Variants in IGSF21 observed in about 807,000 individuals in gnomAD.
IGSF21 encodes immunoglobin superfamily member 21.
IGSF21 carries 28 observed loss-of-function variants against 46.8 expected under a neutral mutation model. That is an observed-to-expected ratio of 0.60 (90% CI 0.44 to 0.82). The LOEUF (loss-of-function observed/expected upper bound fraction) is 0.82, where lower values mean the gene tolerates loss of function less well. Ranked by LOEUF, IGSF21 falls within the 40% of genes least tolerant of loss-of-function variation. IGSF21 has a pLI of 0.00. For synonymous variants in IGSF21, 284 were observed against 273.6 expected (o/e 1.04, Z -0.38); for missense variants, 624 against 665.5 (o/e 0.94, Z 0.69).
intron 1 of IGSF21, chr1:18,113,009 T>G (rs888701740): frequency 6.6e-6 from 1 of 152,196 alleles, no homozygotes. Flanking sequence ...CTTTTTGCCT[T>G]CTTTTTTCTT....
chr1:18,305,087 G>T (rs1346111735), intron 3 of IGSF21, among the ~76,000 whole-genome samples: 1 of 152,230 alleles, frequency 6.6e-6, no homozygotes, highest in Non-Finnish European at 1.5e-5. Flanking sequence ...TGAGCCTGAA[G>T]TTCCTGGGAA....
chr1:18,356,159 A>T (rs950733580), intron 4 of IGSF21, among the ~76,000 whole-genome samples: 1 of 152,172 alleles, frequency 6.6e-6, no homozygotes, highest in Non-Finnish European at 1.5e-5. Flanking sequence ...TACTAATACA[A>T]TTACGACTAC....
intron 2 of IGSF21, among the ~76,000 whole-genome samples, chr1:18,250,957 C>T (rs1431359942): frequency 1.3e-5 from 2 of 152,054 alleles, no homozygotes; most frequent in African/African-American, 4.8e-5. Flanking sequence ...CTTCTTAGAT[C>T]AGCTGGCCAG....
chr1:18,168,898 C>T lies in IGSF21; in HGVS notation c.71-59000C>T, dbSNP rs542562474. Among the ~76,000 whole-genome samples the T allele has an allele frequency of 2.6e-4, 40 of 152,256 alleles. No individual in the cohort carries two copies. In the South Asian group the frequency reaches 6.8e-3, roughly 26 times the overall value. On this transcript the variant is annotated intron_variant, in intron 1 of 9. Transcript: ENST00000251296. ...TGCAGTAAACACGGGGTTCTGGGGCCGGAGGGGAGCAGGTGCTGGTGCAGG... is the reference window on the plus strand; with the variant it reads ...TGCAGTAAACACGGGGTTCTGGGGCTGGAGGGGAGCAGGTGCTGGTGCAGG...
At chr1:18,330,786 T>C (rs996748141) in intron 3 of IGSF21, among the ~76,000 whole-genome samples, 3 of 152,226 alleles carry the variant, frequency 2.0e-5, no homozygotes, top group African/African-American at 7.2e-5. Context: ...ACTTTATTTT[T>C]TAGAGCAGCT....
chr1:18,340,637 C>T (rs989838799), intron 4 of IGSF21, among the ~76,000 whole-genome samples: 2 of 152,172 alleles, frequency 1.3e-5, no homozygotes, highest in African/African-American at 4.8e-5. Flanking sequence ...GGCTTAAAAC[C>T]ACAGCAATGT....
chr1:18,113,705 CGG>C (rs1057321630), intron 1 of IGSF21: 6 of 139,690 alleles, frequency 4.3e-5, no homozygotes, highest in African/African-American at 8.1e-5. Flanking sequence ...GAATATTGAG[CGG>C]AGTGTCACAA....
chr1:18,271,042 C>A lies in IGSF21; in HGVS notation c.184-20824C>A, dbSNP rs547976957. On this transcript the variant is annotated intron_variant, in intron 2 of 9. Coordinates refer to ENST00000251296, the MANE Select transcript of IGSF21 (RefSeq NM_032880.5). ...CTTTGGACAGCAGGCCCAAGAGAAG[C>A]TGAAATATTATTAGAAGGTGTCCTA... Among the ~76,000 whole-genome samples, 6 of 152,294 alleles carry A rather than the reference C, an allele frequency of 3.9e-5. No homozygotes were observed. The East Asian group carries it at 7.7e-4, about 20-fold the overall frequency.
chr1:18,332,664 T>C (rs1050563079), intron 3 of IGSF21, among the ~76,000 whole-genome samples: 8 of 152,170 alleles, frequency 5.3e-5, no homozygotes, highest in African/African-American at 1.9e-4. Context: ...CGCTCTTTAT[T>C]CTGAGATCAG....
intron 2 of IGSF21, among the ~76,000 whole-genome samples, chr1:18,249,178 G>C (rs116128909): frequency 1.3e-5 from 2 of 152,130 alleles, no homozygotes; most frequent in Non-Finnish European, 2.9e-5. Context: ...AGAACAAAGG[G>C]GAGCCATTCT....
At chr1:18,145,725 C>T (rs529737009) in intron 1 of IGSF21, among the ~76,000 whole-genome samples, 16 of 152,266 alleles carry the variant, frequency 1.1e-4, no homozygotes, top group Non-Finnish European at 2.1e-4. Context: ...CTTCTCAGGG[C>T]GGCAAATGTG....
chr1:18,342,391 G>A (rs851449), intron 4 of IGSF21, among the ~76,000 whole-genome samples: 53,172 of 151,734 alleles, frequency 0.35, 9,360 homozygotes, highest in South Asian at 0.43. Flanking sequence ...ACCAAGCCCG[G>A]CCCTTTGGTT....
chr1:18,313,024 G>A (rs2085503586), intron 3 of IGSF21, among the ~76,000 whole-genome samples: 1 of 152,186 alleles, frequency 6.6e-6, no homozygotes, highest in Non-Finnish European at 1.5e-5. Flanking sequence ...GTTCCTGAAG[G>A]GCAAGAGCCC....
intron 1 of IGSF21, among the ~76,000 whole-genome samples, chr1:18,201,427 G>A (rs908841489): frequency 1.5e-4 from 23 of 152,334 alleles, no homozygotes; most frequent in African/African-American, 5.5e-4. Flanking sequence ...AGTTTTTGCT[G>A]AAGGAAAGCC....
At chr1:18,150,562 C>T (rs2086513300) in intron 1 of IGSF21, among the ~76,000 whole-genome samples, 1 of 152,204 alleles carries the variant, frequency 6.6e-6, no homozygotes, top group Non-Finnish European at 1.5e-5. Flanking sequence ...GAATGCTGGC[C>T]TCCTTGGAGA....
intron 1 of IGSF21, among the ~76,000 whole-genome samples, chr1:18,152,628 C>T (rs923595931): frequency 6.6e-6 from 1 of 152,264 alleles, no homozygotes; most frequent in Non-Finnish European, 1.5e-5. Flanking sequence ...TGTTGATTAT[C>T]ATAATCATGA....
At chr1:18,232,524 A>G (rs765466064) in intron 2 of IGSF21, among the ~76,000 whole-genome samples, 1 of 152,110 alleles carries the variant, frequency 6.6e-6, no homozygotes, top group African/African-American at 2.4e-5. Flanking sequence ...GATTAATTCT[A>G]TTTTCCAGAT....
intron 2 of IGSF21, 78 bp downstream of exon 2, chr1:18,228,088 A>G (rs1314513617): frequency 1.8e-6 from 2 of 1,125,734 alleles, no homozygotes; most frequent in Non-Finnish European, 2.7e-6. Context: ...GGACACCCTC[A>G]CTGGTGTGGC....
chr1:18,204,959 C>T (rs2087111420), intron 1 of IGSF21, among the ~76,000 whole-genome samples: 1 of 152,168 alleles, frequency 6.6e-6, no homozygotes, highest in African/African-American at 2.4e-5. Context: ...TTAAAATAAA[C>T]TGATGTTGGA....
Sources: gnomAD v4.1 joint callset for allele counts (sites outside exome capture counted in the v4.1 genomes callset) on GRCh38, gnomAD v4.1.1 for gene constraint, MANE v1.5 for transcripts, NCBI Gene and HGNC (gene_info 2026-07-23, HGNC 2026-07-21) for gene names.